Variants in STAB2 observed in about 807,000 individuals in gnomAD.
STAB2 encodes stabilin-2.
In STAB2, 288 loss-of-function variants were observed where a neutral mutation model predicts 338.1. That is an observed-to-expected ratio of 0.85 (90% CI 0.77 to 0.94). The LOEUF is 0.94. STAB2 is among the 40% of genes least tolerant of loss of function. STAB2 has a pLI of 0.00. For synonymous variants in STAB2, 1,202 were observed against 1,193.3 expected (o/e 1.01, Z -0.15); for missense variants, 3,141 against 3,210.1 (o/e 0.98, Z 0.52).
chr12:103,613,825 G>A (rs1303103233), intron 3 of STAB2, among the ~76,000 whole-genome samples: 1 of 152,034 alleles, frequency 6.6e-6, no homozygotes, highest in African/African-American at 2.4e-5. Flanking sequence ...GGCCATCTTG[G>A]AACCCTCTCC....
intron 25 of STAB2, among the ~76,000 whole-genome samples, chr12:103,679,657 C>CTTGTGTTATAACTGTGTCAGGG (rs1593225040): frequency 6.6e-6 from 1 of 152,160 alleles, no homozygotes; most frequent in East Asian, 1.9e-4. Context: ...TCAGTTATAA[C>CTTGTGTTATAACTGTGTCAGGG]AGAAAACTCA....
At position 103,749,073 on chromosome 12, in the gene STAB2, C is replaced by G; in HGVS notation, c.6355C>G (p.His2119Asp). The G allele has an allele frequency of 6.2e-7, 1 of 1,614,160 alleles. No individual in the cohort carries two copies. The highest frequency in any genetic ancestry group is 8.5e-7 in the Non-Finnish European group (1 of 1,180,026). ...CCAGAAGGGATACAAAGGGGACGGG[C>G]ACAGCTGCACAGAGATAGACCCCTG... ...SCQKGYKGDG[H>D]SCTEIDPCAD... Residue 2119 changes from histidine (H) to aspartate (D), a missense_variant, in exon 59 of 69, where the codon CAC becomes GAC. Physicochemically the swap from His to Asp is moderately conservative, Grantham distance 81. Coordinates refer to ENST00000388887, the MANE Select transcript of STAB2 (RefSeq NM_017564.10).
rs772643376 is a variant in STAB2 at position 103,692,848 on chromosome 12, G to T, written c.3334G>T (p.Asp1112Tyr). 6.2e-7 allele frequency: 1 copy of T among 1,613,734 alleles called. No homozygotes were observed. Among genetic ancestry groups the T allele is most frequent in the South Asian group, 1.1e-5 (1 of 91,032 alleles). The change falls in exon 31 of 69, where the codon GAC (aspartate) becomes TAC (tyrosine). Residue 1112 changes from aspartate (D) to tyrosine (Y), a missense_variant. Coordinates refer to ENST00000388887, the MANE Select transcript of STAB2 (RefSeq NM_017564.10). The part of the protein sequence containing the change: ...TIEGASIVDG[D>Y]NAATNGVIHI... ...TGAAGGGGCCTCCATTGTCGATGGG[G>T]ACAACGCAGCCACAAATGGAGTGAT...
Position 103,590,980 on chromosome 12 carries a change from G to C in STAB2, c.165G>C (p.Pro55=). ...SCALNLGVKC[P]DGYTMITSGS... is the part of the protein sequence containing the mutation. ...CTCTCAACCTTGGAGTCAAGTGCCC[G>C]GATGGTTACACCATGATTACCAGTG... The change falls in exon 2 of 69, where the codon CCG becomes CCC. Residue 55 remains proline, a synonymous_variant. Transcript: ENST00000388887. The C allele has an allele frequency of 6.2e-7, 1 of 1,614,034 alleles. No individual in the cohort carries two copies. Among genetic ancestry groups the C allele is most frequent in the Non-Finnish European group, 8.5e-7 (1 of 1,179,998 alleles).
intron 9 of STAB2, among the ~76,000 whole-genome samples, chr12:103,648,280 G>T (rs890809164): frequency 2.6e-5 from 4 of 152,190 alleles, no homozygotes; most frequent in African/African-American, 9.7e-5. Flanking sequence ...ATTCTAAGTA[G>T]ATCAATAATG....
At chr12:103,757,952 T>A in intron 63 of STAB2, 1 of 610,580 alleles carries the variant, frequency 1.6e-6, no homozygotes, top group Non-Finnish European at 2.8e-6. Context: ...GGATGGGCTG[T>A]GACGTGGCTG....
chr12:103,589,693 G>C (rs1956766864), intron 1 of STAB2, among the ~76,000 whole-genome samples: 1 of 152,234 alleles, frequency 6.6e-6, no homozygotes, highest in Non-Finnish European at 1.5e-5. Context: ...TTTTGTGAAA[G>C]AGGTGGTGTG....
chr12:103,587,763 C>T (rs1350173939), intron 1 of STAB2, among the ~76,000 whole-genome samples: 3 of 152,318 alleles, frequency 2.0e-5, no homozygotes, highest in East Asian at 1.9e-4. Flanking sequence ...TGTACTGAAG[C>T]GCCCCGCTGC....
chr12:103,621,376 G>A (rs1429519310), intron 4 of STAB2, among the ~76,000 whole-genome samples: 1 of 151,788 alleles, frequency 6.6e-6, no homozygotes, highest in Non-Finnish European at 1.5e-5. Flanking sequence ...CACATTTCAA[G>A]CCCTGGGGGA....
intron 3 of STAB2, among the ~76,000 whole-genome samples, chr12:103,617,618 A>G (rs1056793035): frequency 3.3e-5 from 5 of 152,216 alleles, no homozygotes; most frequent in Non-Finnish European, 7.3e-5. Flanking sequence ...CCATGACACA[A>G]TCGCATCGCA....
At chr12:103,685,182 T>G in intron 27 of STAB2, 98 bp downstream of exon 27, 1 of 1,152,038 alleles carries the variant, frequency 8.7e-7, no homozygotes, top group Non-Finnish European at 1.3e-6. Flanking sequence ...TATCTTTTGC[T>G]GCAGGAGATT....
chr12:103,613,516 G>A (rs191110369), intron 3 of STAB2, among the ~76,000 whole-genome samples: 28 of 152,290 alleles, frequency 1.8e-4, no homozygotes, highest in Non-Finnish European at 2.2e-4. Flanking sequence ...CTGGTGTGCC[G>A]TTTGCTAAGA....
chr12:103,639,883 T>C (rs1441110521), intron 8 of STAB2, among the ~76,000 whole-genome samples: 1 of 152,090 alleles, frequency 6.6e-6, no homozygotes, highest in Non-Finnish European at 1.5e-5. Context: ...GGTCAAGGGT[T>C]AGGAAACAAG....
At position 103,640,134 on chromosome 12, in the gene STAB2, G is replaced by A. The variant is rs747500222; in HGVS notation, c.918G>A (p.Glu306=). 8.7e-6 allele frequency: 14 copies of A among 1,613,140 alleles called. No homozygotes were observed. In the Admixed American group the frequency reaches 1.5e-4, roughly 17 times the overall value. The change falls in exon 9 of 69, where the codon GAG becomes GAA. Residue 306 remains glutamate (E), a synonymous_variant. Transcript: ENST00000388887. ...KYDGPGQSHC[E]CKEHYQNFVP... is the part of the protein sequence containing the mutation. Reference sequence around the variant, plus strand: ...CCTGTCTACTGAAGTCTCACTGCGAGTGTAAGGAGCATTACCAGAATTTCG... The same window carrying A: ...CCTGTCTACTGAAGTCTCACTGCGAATGTAAGGAGCATTACCAGAATTTCG...
chr12:103,698,701 C>A (rs1362785696), intron 33 of STAB2, among the ~76,000 whole-genome samples: 5 of 152,162 alleles, frequency 3.3e-5, no homozygotes, highest in African/African-American at 1.2e-4. Flanking sequence ...CCACGAGACA[C>A]AGATCAAGGT....
intron 29 of STAB2, 33 bp from the exon 30 acceptor site, chr12:103,690,391 T>C: frequency 6.5e-7 from 1 of 1,546,956 alleles, no homozygotes; most frequent in Non-Finnish European, 8.9e-7. Flanking sequence ...TACATTTATA[T>C]TGAATTATAG....
chr12:103,676,260 T>C (rs1011421015), intron 24 of STAB2, among the ~76,000 whole-genome samples: 1 of 152,028 alleles, frequency 6.6e-6, no homozygotes, highest in African/African-American at 2.4e-5. Context: ...GGTTTCACCA[T>C]GTTGGTCAGG....
rs75430776 is a variant in STAB2, at chr12:103,616,224, G to T, written c.332-4244G>T. ...TCCTCTCTGATCAGTGTAGCCCAGA[G>T]CATGGTTATATTCTCAACAAATGAC... is the stretch of plus-strand genomic sequence containing the variant. On this transcript the variant is annotated intron_variant, in intron 3 of 68. Transcript: ENST00000388887. Among the ~76,000 whole-genome samples, 99 of 152,308 alleles carry T rather than the reference G, an allele frequency of 6.5e-4. No homozygotes were observed. In the East Asian group the frequency reaches 0.018, roughly 28 times the overall value.
In STAB2 at chr12:103,636,222, G is replaced by A. The variant is rs554796788; in HGVS notation, c.584-889G>A. 1.5e-3 allele frequency among the ~76,000 whole-genome samples: 174 copies of A among 116,506 alleles called. 1 individual carries two copies. The East Asian group carries it at 0.024, about 16-fold the overall frequency. The allele number at this position is 116,506 out of a possible 152,430, so 76.4% of individuals were successfully genotyped here. On this transcript the variant is annotated intron_variant, in intron 6 of 68. Transcript: ENST00000388887. Reference sequence around the variant, plus strand: ...CTCCCCCCACCCCACAACAGTCCCCGGTGTGTGATGTTCCCCTTCCTGTGT... The same window carrying A: ...CTCCCCCCACCCCACAACAGTCCCCAGTGTGTGATGTTCCCCTTCCTGTGT...
Sources: gnomAD v4.1 joint callset for allele counts (sites outside exome capture counted in the v4.1 genomes callset) on GRCh38, gnomAD v4.1.1 for gene constraint, MANE v1.5 for transcripts, NCBI Gene and HGNC (gene_info 2026-07-23, HGNC 2026-07-21) for gene names.